The following RBFOX1 variants were observed in gnomAD, a reference collection of about 807,000 sequenced individuals.
RBFOX1 encodes RNA binding fox-1 homolog 1.
A neutral mutation model predicts 57.7 loss-of-function variants in RBFOX1; 8 were observed. The ratio of observed to expected loss-of-function variants is 0.14; its 90% CI spans 0.08 to 0.25. The LOEUF (loss-of-function observed/expected upper bound fraction) is 0.25. Ranked by LOEUF, RBFOX1 falls within the 10% of genes least tolerant of loss-of-function variation. RBFOX1 has a pLI of 1.00. For missense variants in RBFOX1, 611 were observed against 548.5 expected (o/e 1.11, Z -1.14); for synonymous variants, 326 against 222.4 (o/e 1.47, Z -4.15).
chr16:6,021,818 T>A (rs2095085023), intron 1 of RBFOX1, among the ~76,000 whole-genome samples: 1 of 152,200 alleles, frequency 6.6e-6, no homozygotes, highest in South Asian at 2.1e-4. Context: ...AGAGTTTCAG[T>A]CGTAGTTCTG....
chr16:6,655,122 C>T (rs1041064330), intron 3 of RBFOX1, among the ~76,000 whole-genome samples: 2 of 151,468 alleles, frequency 1.3e-5, no homozygotes, highest in African/African-American at 4.8e-5. Context: ...GCCTATAATC[C>T]CAACACTTTG....
At chr16:6,567,534 T>C (rs2097284024) in intron 2 of RBFOX1, among the ~76,000 whole-genome samples, 1 of 152,166 alleles carries the variant, frequency 6.6e-6, no homozygotes, top group Non-Finnish European at 1.5e-5. Context: ...GTCACCTTCA[T>C]AGCACTTATT....
intron 4 of RBFOX1, among the ~76,000 whole-genome samples, chr16:7,080,468 A>G (rs1452815079): frequency 6.6e-6 from 1 of 152,154 alleles, no homozygotes; most frequent in African/African-American, 2.4e-5. Flanking sequence ...CATGTAACAG[A>G]GCCTCATTCC....
rs150017253 is a variant in RBFOX1, at chr16:6,083,884, C to G, written c.-127+63892C>G. On this transcript the variant is annotated intron_variant, in intron 1 of 15. Transcript: ENST00000550418. ...GGCAATCTTTAAGCAGAAGAATTGG[C>G]TGCCTGAAAGCCTGTAGATTTATTT... Among the ~76,000 whole-genome samples the G allele has an allele frequency of 1.4e-4, 22 of 152,278 alleles. No homozygotes were observed. The East Asian group carries it at 3.7e-3, about 25-fold the overall frequency.
At chr16:5,359,025 T>C (rs974959693) in intron 1 of RBFOX1, among the ~76,000 whole-genome samples, 1 of 152,200 alleles carries the variant, frequency 6.6e-6, no homozygotes. Flanking sequence ...TTCAATTGTT[T>C]TGATGTTTAT....
chr16:5,566,684 A>ATATATGTG (rs1163782729), intron 2 of RBFOX1, among the ~76,000 whole-genome samples: 79 of 6,650 alleles, frequency 0.012, no homozygotes, highest in African/African-American at 0.072. Context: ...ATATATGTGT[A>ATATATGTG]TATATATATA....
At chr16:5,940,619 C>G (rs2059259982) in intron 4 of RBFOX1, among the ~76,000 whole-genome samples, 5 of 152,242 alleles carry the variant, frequency 3.3e-5, no homozygotes, top group Admixed American at 3.3e-4. Context: ...CACCAAAAGA[C>G]TCCTTCAGGA....
In RBFOX1 at chr16:6,688,558, A is replaced by G. The variant is rs535478478; in HGVS notation, c.-16+33908A>G. Among the ~76,000 whole-genome samples the G allele has an allele frequency of 3.9e-4, 60 of 152,344 alleles. No homozygotes were observed. In the South Asian group the frequency reaches 8.3e-3, roughly 21 times the overall value. On this transcript the variant is annotated intron_variant, in intron 3 of 15. Coordinates refer to ENST00000550418, the MANE Select transcript of RBFOX1 (RefSeq NM_018723.4). ...CTTCCCAAGCACCGTAGTGGGGACA[A>G]TAGGAGTCAAACTGAAGACTACCAG... is the stretch of plus-strand genomic sequence containing the variant.
intron 4 of RBFOX1, among the ~76,000 whole-genome samples, chr16:5,916,499 C>T (rs2058706664): frequency 1.3e-5 from 2 of 152,100 alleles, no homozygotes; most frequent in South Asian, 4.1e-4. Flanking sequence ...TGCCTATTCA[C>T]CACTTGTTTT....
chr16:5,405,718 A>AT (rs377647576), intron 1 of RBFOX1, among the ~76,000 whole-genome samples: 2 of 152,238 alleles, frequency 1.3e-5, no homozygotes, highest in African/African-American at 4.8e-5. Context: ...GTTTGCGGGG[A>AT]TAAGTTATTG....
At chr16:6,643,643 G>C (rs983313810) in intron 2 of RBFOX1, among the ~76,000 whole-genome samples, 2 of 152,128 alleles carry the variant, frequency 1.3e-5, no homozygotes, top group Admixed American at 1.3e-4. Flanking sequence ...GTAAGGGAGA[G>C]TATAAAATAC....
At chr16:7,177,243 C>G (rs1319271098) in intron 4 of RBFOX1, among the ~76,000 whole-genome samples, 1 of 152,144 alleles carries the variant, frequency 6.6e-6, no homozygotes, top group African/African-American at 2.4e-5. Flanking sequence ...TGCTCCTTAT[C>G]TAGCTTGATT....
intron 3 of RBFOX1, among the ~76,000 whole-genome samples, chr16:5,666,654 C>T (rs1015429774): frequency 6.6e-6 from 1 of 152,208 alleles, no homozygotes; most frequent in Non-Finnish European, 1.5e-5. Context: ...TGAGCTAGGG[C>T]AGCCACTTTA....
chr16:6,455,871 G>C (rs2094759280), intron 2 of RBFOX1, among the ~76,000 whole-genome samples: 1 of 152,118 alleles, frequency 6.6e-6, no homozygotes, highest in Non-Finnish European at 1.5e-5. Context: ...AAATTACGTG[G>C]TGAGCCTAGT....
intron 1 of RBFOX1, among the ~76,000 whole-genome samples, chr16:6,238,539 T>A (rs1384157779): frequency 2.0e-5 from 3 of 152,184 alleles, no homozygotes. Context: ...GTAGCTTTCA[T>A]GACCCAGATA....
At chr16:5,468,107 A>G (rs2069010417) in intron 2 of RBFOX1, among the ~76,000 whole-genome samples, 1 of 151,956 alleles carries the variant, frequency 6.6e-6, no homozygotes, top group Non-Finnish European at 1.5e-5. Context: ...CTTACTGTCC[A>G]CCCTTCCCCA....
At chr16:5,438,128 C>A (rs80218592) in intron 1 of RBFOX1, among the ~76,000 whole-genome samples, 3 of 152,126 alleles carry the variant, frequency 2.0e-5, no homozygotes, top group African/African-American at 7.2e-5. Context: ...TTGTATTGAT[C>A]TTTGTGGATA....
At chr16:6,795,455 C>G (rs923691623) in intron 3 of RBFOX1, among the ~76,000 whole-genome samples, 5 of 152,004 alleles carry the variant, frequency 3.3e-5, no homozygotes, top group South Asian at 2.1e-4. Context: ...ACGTCTTTAT[C>G]AAATGTTGAT....
At chr16:7,264,252 G>A (rs912253335) in intron 4 of RBFOX1, among the ~76,000 whole-genome samples, 5 of 152,130 alleles carry the variant, frequency 3.3e-5, no homozygotes, top group Non-Finnish European at 7.4e-5. Flanking sequence ...GGAGTGAACT[G>A]GACAGAAGAA....
Sources: gnomAD v4.1 joint callset for allele counts (sites outside exome capture counted in the v4.1 genomes callset) on GRCh38, gnomAD v4.1.1 for gene constraint, MANE v1.5 for transcripts, NCBI Gene and HGNC (gene_info 2026-07-23, HGNC 2026-07-21) for gene names.